DPYD: variants seen among roughly 807,000 people sequenced by gnomAD.
The protein encoded by DPYD is dihydropyrimidine dehydrogenase [NADP(+)].
Under a neutral mutation model 116.2 loss-of-function variants are expected in DPYD, and 109 were observed. The ratio of observed to expected loss-of-function variants is 0.94; its 90% CI spans 0.80 to 1.10. DPYD has a LOEUF of 1.10. DPYD is among the 50% of genes least tolerant of loss of function. DPYD has a pLI of 0.00. For synonymous variants in DPYD, 440 were observed against 432.0 expected, an observed-to-expected ratio of 1.02 and a Z score of -0.23; for missense variants, 1,302 against 1,254.5, an observed-to-expected ratio of 1.04 and a Z score of -0.57.
intron 2 of DPYD, among the ~76,000 whole-genome samples, chr1:97,873,179 T>C (rs1357781933): frequency 2.0e-5 from 3 of 151,944 alleles, no homozygotes; most frequent in African/African-American, 7.2e-5. Context: ...CCCTTTCCCA[T>C]GACTTATCAC....
chr1:97,605,271 C>G (rs1187218453), intron 8 of DPYD, among the ~76,000 whole-genome samples: 1 of 152,088 alleles, frequency 6.6e-6, no homozygotes, highest in Non-Finnish European at 1.5e-5. Context: ...TATCCCCACC[C>G]AAATCTCATC....
intron 16 of DPYD, among the ~76,000 whole-genome samples, chr1:97,321,107 G>A (rs887269991): frequency 3.9e-5 from 4 of 102,494 alleles, no homozygotes; most frequent in Admixed American, 1.2e-4. Flanking sequence ...AGATTTAAAC[G>A]TTAGACCTAA....
Position 97,898,780 on chromosome 1 carries a change from G to A in DPYD, c.40-15406C>T, listed in dbSNP as rs1054877142. 9.2e-5 allele frequency among the ~76,000 whole-genome samples: 14 copies of A among 151,850 alleles called. 1 individual carries two copies. The highest frequency in any genetic ancestry group is 6.6e-4 in the Admixed American group (10 of 15,214). On this transcript the variant is annotated intron_variant, in intron 1 of 22. Transcript: ENST00000370192. ...ACACTGTTTTCATGGTAGTGAATACGTCTCATGAGATCTGATGGTTTTCTA... is the reference window on the plus strand; with the variant it reads ...ACACTGTTTTCATGGTAGTGAATACATCTCATGAGATCTGATGGTTTTCTA...
intron 20 of DPYD, among the ~76,000 whole-genome samples, chr1:97,160,503 C>T (rs1005623689): frequency 6.6e-6 from 1 of 152,066 alleles, no homozygotes; most frequent in East Asian, 1.9e-4. Context: ...TTTTGAAGGC[C>T]AAGTAAGGGG....
chr1:97,882,398 A>G (rs1672271899), intron 2 of DPYD, among the ~76,000 whole-genome samples: 1 of 151,976 alleles, frequency 6.6e-6, no homozygotes, highest in Admixed American at 6.6e-5. Context: ...CCATCCTCAA[A>G]GAGTTCATAA....
chr1:97,789,251 C>A (rs919589728), intron 3 of DPYD, among the ~76,000 whole-genome samples: 1 of 152,146 alleles, frequency 6.6e-6, no homozygotes, highest in African/African-American at 2.4e-5. Context: ...CTACTAATTA[C>A]CCAGTATTAA....
At chr1:97,756,413 A>AT (rs1457096061) in intron 3 of DPYD, among the ~76,000 whole-genome samples, 3 of 152,118 alleles carry the variant, frequency 2.0e-5, no homozygotes, top group Non-Finnish European at 2.9e-5. Flanking sequence ...TGGAAGTTTG[A>AT]TTTTTGCCTC....
intron 1 of DPYD, among the ~76,000 whole-genome samples, chr1:97,898,869 C>T (rs182565843): frequency 1.2e-4 from 18 of 152,038 alleles, no homozygotes; most frequent in South Asian, 2.1e-4. Context: ...TTTGCTCCTC[C>T]TTTGCCTTCC....
intron 19 of DPYD, among the ~76,000 whole-genome samples, chr1:97,226,666 A>T (rs1354283459): frequency 1.3e-5 from 2 of 152,192 alleles, no homozygotes; most frequent in African/African-American, 4.8e-5. Context: ...AAATTTAACC[A>T]AGGAGGTGAA....
chr1:97,481,282 G>T (rs1463169217), intron 13 of DPYD, among the ~76,000 whole-genome samples: 1 of 152,004 alleles, frequency 6.6e-6, no homozygotes, highest in African/African-American at 2.4e-5. Flanking sequence ...AATTTTAAAA[G>T]ACTGATAACA....
intron 8 of DPYD, among the ~76,000 whole-genome samples, chr1:97,659,192 A>G (rs1659111755): frequency 6.6e-6 from 1 of 152,150 alleles, no homozygotes; most frequent in Non-Finnish European, 1.5e-5. Flanking sequence ...CACCCAATGA[A>G]TCTCTGATCT....
intron 13 of DPYD, among the ~76,000 whole-genome samples, chr1:97,499,904 A>C (rs1403020327): frequency 5.3e-5 from 8 of 151,986 alleles, no homozygotes; most frequent in Non-Finnish European, 1.5e-5. Context: ...TCTTATTGCA[A>C]AATCCTCAAA....
chr1:97,681,812 C>T (rs1660442097), intron 7 of DPYD, among the ~76,000 whole-genome samples: 1 of 152,040 alleles, frequency 6.6e-6, no homozygotes, highest in South Asian at 2.1e-4. Context: ...AACACCAGGT[C>T]CAAACATTCT....
intron 16 of DPYD, among the ~76,000 whole-genome samples, chr1:97,315,030 G>A (rs1193034107): frequency 6.6e-6 from 1 of 151,962 alleles, no homozygotes; most frequent in Non-Finnish European, 1.5e-5. Flanking sequence ...GCAATTTAAA[G>A]GGTTAACTTT....
intron 8 of DPYD, among the ~76,000 whole-genome samples, chr1:97,606,682 G>C (rs1655621880): frequency 6.6e-6 from 1 of 151,922 alleles, no homozygotes; most frequent in Non-Finnish European, 1.5e-5. Context: ...ATTTTACACT[G>C]AGGAAACATT....
intron 19 of DPYD, among the ~76,000 whole-genome samples, chr1:97,195,816 C>T (rs756774408): frequency 7.3e-5 from 11 of 149,966 alleles, no homozygotes; most frequent in Admixed American, 1.3e-4. Flanking sequence ...TGAGGGACAC[C>T]GAGCAGAAGA....
At chr1:97,761,938 A>C (rs1665597369) in intron 3 of DPYD, among the ~76,000 whole-genome samples, 1 of 152,168 alleles carries the variant, frequency 6.6e-6, no homozygotes, top group African/African-American at 2.4e-5. Flanking sequence ...TATCACTTAT[A>C]AGTGTGAGTT....
chr1:97,671,658 T>A (rs540810645), intron 8 of DPYD, among the ~76,000 whole-genome samples: 1 of 152,158 alleles, frequency 6.6e-6, no homozygotes, highest in East Asian at 1.9e-4. Flanking sequence ...TTACTTAACT[T>A]CAAAAAACTT....
At chr1:97,621,471 T>C (rs527384055) in intron 8 of DPYD, among the ~76,000 whole-genome samples, 6 of 152,284 alleles carry the variant, frequency 3.9e-5, no homozygotes, top group African/African-American at 1.4e-4. Context: ...AAGAAATATG[T>C]ATGTATTAGC....
Sources: gnomAD v4.1 joint callset for allele counts (sites outside exome capture counted in the v4.1 genomes callset) on GRCh38, gnomAD v4.1.1 for gene constraint, MANE v1.5 for transcripts, NCBI Gene and HGNC (gene_info 2026-07-23, HGNC 2026-07-21) for gene names.